Variants in HACD3 observed in about 807,000 individuals in gnomAD.
The protein encoded by HACD3 is 3-hydroxyacyl-CoA dehydratase 3, also known as very-long-chain (3R)-3-hydroxyacyl-CoA dehydratase 3.
Under a neutral mutation model 55.2 loss-of-function variants are expected in HACD3, and 30 were observed. That is an observed-to-expected ratio of 0.54 (90% CI 0.41 to 0.74). HACD3 has a LOEUF of 0.74. HACD3 is among the 30% of genes least tolerant of loss of function. The pLI, the probability that HACD3 is intolerant of heterozygous loss-of-function variation, is 0.00. For missense variants in HACD3, 363 were observed against 440.1 expected (o/e 0.82, Z 1.57); for synonymous variants, 141 against 151.7 (o/e 0.93, Z 0.52).
In HACD3 at chr15:65,530,606, C is replaced by T; in HGVS notation, c.-26C>T. 1 of 1,554,704 alleles carries T rather than the reference C, an allele frequency of 6.4e-7. No homozygotes were observed. Among genetic ancestry groups the T allele is most frequent in the Non-Finnish European group, 8.7e-7 (1 of 1,149,652 alleles). ...GGCAGCGAGGCGCAGCGAGCCTAGC[C>T]TCCCCGCGCCCTGGGCAGTGTGGCC... On this transcript the variant is annotated 5_prime_UTR_variant, in exon 1 of 11. Transcript: ENST00000261875.
intron 1 of HACD3, among the ~76,000 whole-genome samples, chr15:65,531,033 G>A (rs1004677848): frequency 2.0e-5 from 3 of 152,208 alleles, no homozygotes; most frequent in Non-Finnish European, 2.9e-5. Context: ...GGCCCTGGCT[G>A]CCTGGCCGTC....
rs143704399 is a variant in HACD3, at chr15:65,549,043, A to G, written c.88-2633A>G. Among the ~76,000 whole-genome samples, 11 of 152,310 alleles carry G rather than the reference A, an allele frequency of 7.2e-5. No individual in the cohort carries two copies. In the East Asian group the frequency reaches 2.1e-3, roughly 29 times the overall value. On this transcript the variant is annotated intron_variant, in intron 1 of 10. Coordinates refer to ENST00000261875, the MANE Select transcript of HACD3 (RefSeq NM_016395.4). ...GGCCTGGCTGTTCACTCCTCCTTTC[A>G]TAAGCAAAGGCACAGTTTCTTTTCT...
At chr15:65,557,197 C>T (rs955617579) in intron 4 of HACD3, among the ~76,000 whole-genome samples, 10 of 152,120 alleles carry the variant, frequency 6.6e-5, no homozygotes, top group Admixed American at 2.6e-4. Flanking sequence ...TACATACGGC[C>T]GGGCACGGTG....
chr15:65,540,768 T>C (rs567695508), intron 1 of HACD3, among the ~76,000 whole-genome samples: 3 of 152,288 alleles, frequency 2.0e-5, no homozygotes, highest in Admixed American at 2.0e-4. Context: ...GAAGTGACTT[T>C]GTAGGATTTG....
At chr15:65,535,762 C>G (rs1449867882) in intron 1 of HACD3, 1 of 639,116 alleles carries the variant, frequency 1.6e-6, no homozygotes, top group Non-Finnish European at 2.9e-6. Flanking sequence ...GCAGTGTGAT[C>G]ATAGCTCACC....
chr15:65,556,916 C>G lies in HACD3; in HGVS notation c.369+13C>G, dbSNP rs1172903352. 4.4e-6 allele frequency: 7 copies of G among 1,604,930 alleles called. No homozygotes were observed. In the East Asian group the frequency reaches 1.6e-4, roughly 36 times the overall value. On this transcript the variant is annotated intron_variant, in intron 4 of 10. Coordinates refer to ENST00000261875, the MANE Select transcript of HACD3 (RefSeq NM_016395.4). ...GCTCAGAGCTAAGGTTAGTAAGGAT[C>G]CTAGGATCTAGCCATTGAGGACAAA...
chr15:65,537,958 AATATATATATATATATATATATAT>A (rs755882094), intron 1 of HACD3, among the ~76,000 whole-genome samples: 1 of 11,164 alleles, frequency 9.0e-5, no homozygotes, highest in Non-Finnish European at 1.6e-4. Flanking sequence ...AAAAAAAAAA[AATATATATATATATATATATATAT>A]ATATATATAT....
intron 7 of HACD3, chr15:65,565,592 TCTCAGCCAAGG>T (rs1258314868): frequency 1.3e-5 from 2 of 152,350 alleles, no homozygotes; most frequent in Admixed American, 1.3e-4. Flanking sequence ...CATTGGCCCC[TCTCAGCCAAGG>T]CTGGAGCAGC....
At position 65,530,669 on chromosome 15, in the gene HACD3, C is replaced by G. The variant is rs1272667293; in HGVS notation, c.38C>G (p.Ala13Gly). Residue 13 changes from alanine to glycine, a missense_variant, in exon 1 of 11, where the codon GCT (alanine) becomes GGT (glycine). Physicochemically the swap from Ala to Gly is moderately conservative, Grantham distance 60 (BLOSUM62 0). Coordinates refer to ENST00000261875, the MANE Select transcript of HACD3 (RefSeq NM_016395.4). ...GTGTTGACGCCGCATGTCTACTGGG[C>G]TCAGCGACACCGCGAGCTATATCTG... Reference protein sequence around the residue: ...NQVLTPHVYWAQRHRELYLRV... With the variant: ...NQVLTPHVYWGQRHRELYLRV... 6.3e-7 allele frequency: 1 copy of G among 1,582,458 alleles called. No individual in the cohort carries two copies. The highest frequency in any genetic ancestry group is 1.8e-5 in the Admixed American group (1 of 55,564).
rs768389220 is a variant in HACD3 at position 65,530,594 on chromosome 15, A to C, written c.-38A>C. On this transcript the variant is annotated 5_prime_UTR_variant, in exon 1 of 11. Coordinates refer to ENST00000261875, the MANE Select transcript of HACD3 (RefSeq NM_016395.4). ...AGCACTACCTGAGGCAGCGAGGCGC[A>C]GCGAGCCTAGCCTCCCCGCGCCCTG... 23 of 1,524,026 alleles carry C rather than the reference A, an allele frequency of 1.5e-5. No individual in the cohort carries two copies. Among genetic ancestry groups the C allele is most frequent in the Non-Finnish European group, 2.0e-5 (22 of 1,125,002 alleles). The allele number at this position is 1,524,026 out of a possible 1,614,324, so 94.4% of individuals were successfully genotyped here.
chr15:65,564,407 G>A, intron 7 of HACD3, 65 bp downstream of exon 7: 1 of 1,546,446 alleles, frequency 6.5e-7, no homozygotes, highest in Non-Finnish European at 8.8e-7. Flanking sequence ...GTGGGTATGT[G>A]TATTAGTCCA....
At chr15:65,556,944 A>T in intron 4 of HACD3, 41 bp downstream of exon 4, 1 of 1,568,728 alleles carries the variant, frequency 6.4e-7, no homozygotes, top group Non-Finnish European at 8.7e-7. Flanking sequence ...AGGACAAATC[A>T]TGGGGAACCC....
At chr15:65,536,001 A>G (rs565564175) in intron 1 of HACD3, among the ~76,000 whole-genome samples, 2 of 151,144 alleles carry the variant, frequency 1.3e-5, no homozygotes, top group African/African-American at 4.9e-5. Flanking sequence ...TGATGTTACT[A>G]TTGTGATTGT....
chr15:65,537,974 T>A (rs1490417679), intron 1 of HACD3, among the ~76,000 whole-genome samples: 37 of 13,320 alleles, frequency 2.8e-3, no homozygotes, highest in East Asian at 0.017. Flanking sequence ...TATATATATA[T>A]ATATATATAT....
intron 4 of HACD3, among the ~76,000 whole-genome samples, chr15:65,557,407 G>A (rs1332615126): frequency 6.6e-6 from 1 of 151,926 alleles, no homozygotes; most frequent in Non-Finnish European, 1.5e-5. Context: ...CTCGGGAGGC[G>A]GGGCTTGCCG....
intron 1 of HACD3, among the ~76,000 whole-genome samples, chr15:65,544,031 C>A (rs1481912733): frequency 6.6e-6 from 1 of 151,908 alleles, no homozygotes; most frequent in Non-Finnish European, 1.5e-5. Context: ...AAAAAAATTA[C>A]CCGGGCCTGG....
chr15:65,533,114 A>G (rs2141200623), intron 1 of HACD3, among the ~76,000 whole-genome samples: 1 of 152,324 alleles, frequency 6.6e-6, no homozygotes, highest in African/African-American at 2.4e-5. Flanking sequence ...GACACTTGTA[A>G]TCTCTGACTT....
chr15:65,551,054 C>T (rs531447809), intron 1 of HACD3: 1 of 152,232 alleles, frequency 6.6e-6, no homozygotes, highest in African/African-American at 2.4e-5. Flanking sequence ...GAGACACAGG[C>T]ACAGCGTGTT....
chr15:65,546,740 C>T (rs766351944), intron 1 of HACD3, among the ~76,000 whole-genome samples: 28 of 152,006 alleles, frequency 1.8e-4, no homozygotes, highest in Non-Finnish European at 8.8e-5. Context: ...CATGCCTGGC[C>T]TAGTTTTTCA....
Sources: gnomAD v4.1 joint callset for allele counts (sites outside exome capture counted in the v4.1 genomes callset) on GRCh38, gnomAD v4.1.1 for gene constraint, MANE v1.5 for transcripts, NCBI Gene and HGNC (gene_info 2026-07-23, HGNC 2026-07-21) for gene names.